Variants in MYH7B observed in about 807,000 individuals in gnomAD.
MYH7B encodes myosin-7B.
Under a neutral mutation model 234.5 loss-of-function variants are expected in MYH7B, and 205 were observed. That is an observed-to-expected ratio of 0.87 (90% CI 0.78 to 0.98). MYH7B has a LOEUF of 0.98. Ranked by LOEUF, MYH7B falls within the 50% of genes least tolerant of loss-of-function variation. The probability of loss-of-function intolerance (pLI) is 0.00; values close to 1 mark genes in which losing one functional copy is unlikely to be tolerated. For missense variants in MYH7B, 2,652 were observed against 2,633.4 expected (o/e 1.01, Z -0.15); for synonymous variants, 1,193 against 1,105.0 (o/e 1.08, Z -1.58).
exon 41 of MYH7B, chr20:35,001,032 T>C (rs773665107): frequency 2.5e-6 from 4 of 1,613,696 alleles, no homozygotes; most frequent in Non-Finnish European, 2.5e-6. Flanking sequence ...AGGACACAAG[T>C]GCACACCTGG....
chr20:34,962,032 A>G (rs1388543375), intron 2 of MYH7B, among the ~76,000 whole-genome samples: 1 of 152,196 alleles, frequency 6.6e-6, no homozygotes. Context: ...GAGGAATTCA[A>G]GGCCAGCCTG....
intron 2 of MYH7B, among the ~76,000 whole-genome samples, chr20:34,974,069 C>T (rs904620008): frequency 4.6e-5 from 7 of 151,852 alleles, no homozygotes; most frequent in Admixed American, 2.6e-4. Context: ...GGATTACAGG[C>T]GCCTGCCACC....
chr20:34,956,759 A>G (rs1474946728), intron 1 of MYH7B, among the ~76,000 whole-genome samples: 1 of 152,172 alleles, frequency 6.6e-6, no homozygotes, highest in Non-Finnish European at 1.5e-5. Flanking sequence ...GCAGGAACAA[A>G]AGCAGCAAAG....
At chr20:34,999,967 T>C in intron 38 of MYH7B, 61 bp downstream of exon 38, 3 of 1,414,956 alleles carry the variant, frequency 2.1e-6, no homozygotes, top group Non-Finnish European at 3.0e-6. Flanking sequence ...AAGCAGTGTG[T>C]ACTCTGCTCT....
Position 34,996,331 on chromosome 20 carries a change from C to A in MYH7B, c.2944-15C>A. On this transcript the variant is annotated splice_polypyrimidine_tract_variant and intron_variant, in intron 28 of 44. Transcript: ENST00000262873. ...GGGGAAGGGCGTCCCCATTCTGGCC[C>A]TGGCCCTGGCACAGGTGAAGAACCT... The A allele has an allele frequency of 6.4e-7, 1 of 1,568,748 alleles. No homozygotes were observed. The highest frequency in any genetic ancestry group is 1.9e-5 in the Admixed American group (1 of 52,584).
chr20:34,989,483 G>T lies in MYH7B; in HGVS notation c.1588-257G>T, dbSNP rs80092519. Among the ~76,000 whole-genome samples the T allele has an allele frequency of 8.4e-3, 1,283 of 152,280 alleles. 7 individuals are homozygous for T. Among genetic ancestry groups the T allele is most frequent in the Middle Eastern group, 0.041 (12 of 294 alleles). ...AGTGGGTACAGAGATGCCAGCTTGG[G>T]TTTGCCATTGTTAGAAGTGAAGATG... On this transcript the variant is annotated intron_variant, in intron 19 of 44. Coordinates refer to ENST00000262873, the Ensembl canonical transcript of MYH7B.
At position 34,982,324 on chromosome 20, in the gene MYH7B, AG is replaced by A. The variant is rs368854169; in HGVS notation, c.528-132del. 3.8e-4 allele frequency: 270 copies of A among 707,466 alleles called. 1 individual carries two copies. In the East Asian group the frequency reaches 6.1e-3, roughly 16 times the overall value. The allele number at this position is 707,466 out of a possible 1,614,324, so 43.8% of individuals were successfully genotyped here. On this transcript the variant is annotated intron_variant, in intron 9 of 44. Coordinates refer to ENST00000262873, the Ensembl canonical transcript of MYH7B. Reference sequence around the variant, plus strand: ...CACTGGCTTGCTTTGTACACCTCTGAGGGTTGATCCATCCTTGGGGGTTTCA... The same window carrying A: ...CACTGGCTTGCTTTGTACACCTCTGAGGTTGATCCATCCTTGGGGGTTTCA...
At chr20:34,961,687 A>G (rs894519393) in intron 2 of MYH7B, among the ~76,000 whole-genome samples, 4 of 152,130 alleles carry the variant, frequency 2.6e-5, no homozygotes, top group Admixed American at 6.6e-5. Flanking sequence ...CCAGTAATTT[A>G]CTTTCTTTGT....
At chr20:34,987,421 C>A in intron 16 of MYH7B, 134 bp downstream of exon 16, 25 of 1,426,276 alleles carry the variant, frequency 1.8e-5, no homozygotes, top group Non-Finnish European at 2.2e-5. Context: ...CAAACCCTTA[C>A]CCTCCTGAGG....
rs766401325 is a variant in MYH7B at position 34,981,119 on chromosome 20, C to T, written c.527+59C>T. Reference sequence around the variant, plus strand: ...TGCTGGCCATCTGGCAGAAAGAGGGCGGTACCACAGTCATTTCCCAGGATT... The same window carrying T: ...TGCTGGCCATCTGGCAGAAAGAGGGTGGTACCACAGTCATTTCCCAGGATT... On this transcript the variant is annotated intron_variant, in intron 9 of 44. Coordinates refer to ENST00000262873, the Ensembl canonical transcript of MYH7B. The T allele has an allele frequency of 4.4e-6, 7 of 1,596,376 alleles. No homozygotes were observed. In the Admixed American group the frequency reaches 6.7e-5, roughly 15 times the overall value.
At chr20:34,997,300 G>T in exon 32 of MYH7B, 2 of 1,553,842 alleles carry the variant, frequency 1.3e-6, no homozygotes, top group East Asian at 4.8e-5. Flanking sequence ...CGGGCAGCCC[G>T]GGCCCGCGTG....
Position 34,998,612 on chromosome 20 carries a change from C to T in MYH7B, c.3976C>T (p.Leu1326=). 6.2e-7 allele frequency: 1 copy of T among 1,613,278 alleles called. No homozygotes were observed. The highest frequency in any genetic ancestry group is 8.5e-7 in the Non-Finnish European group (1 of 1,179,908). Reference sequence around the variant, plus strand: ...AAGCCTGGAAGAGTTGCGGCGCCAGCTAGAGGAGGAAAGCAAGGTGGGCTG... The same window carrying T: ...AAGCCTGGAAGAGTTGCGGCGCCAGTTAGAGGAGGAAAGCAAGGTGGGCTG... The change falls in exon 34 of 45, where the codon CTA becomes TTA. Residue 1326 remains leucine (L), a synonymous_variant. Coordinates refer to ENST00000262873, the Ensembl canonical transcript of MYH7B.
chr20:34,977,543 G>A, intron 3 of MYH7B, 89 bp from the exon 4 acceptor site: 1 of 1,255,842 alleles, frequency 8.0e-7, no homozygotes, highest in Non-Finnish European at 1.1e-6. Flanking sequence ...AGATAAAAGG[G>A]AATTTGCCTT....
At chr20:34,984,038 G>A (rs568420597) in intron 10 of MYH7B, among the ~76,000 whole-genome samples, 13 of 152,312 alleles carry the variant, frequency 8.5e-5, no homozygotes, top group South Asian at 2.1e-4. Context: ...GCGTCCAGGC[G>A]GCAGGATGCT....
At chr20:34,998,742 C>A in exon 35 of MYH7B, 2 of 1,612,064 alleles carry the variant, frequency 1.2e-6, no homozygotes, top group Non-Finnish European at 1.7e-6. Flanking sequence ...TGGCCCACGC[C>A]GTGCAGGCTC....
chr20:34,992,715 G>A (rs780729767), intron 24 of MYH7B, among the ~76,000 whole-genome samples: 71 of 151,884 alleles, frequency 4.7e-4, no homozygotes, highest in Non-Finnish European at 7.1e-4. Context: ...GATTACAGGC[G>A]CCCGCCACCA....
chr20:34,970,760 C>T (rs921193906), intron 2 of MYH7B, among the ~76,000 whole-genome samples: 5 of 152,046 alleles, frequency 3.3e-5, no homozygotes, highest in Non-Finnish European at 7.4e-5. Context: ...CAGCTCAGCT[C>T]GGCTCTAGAG....
chr20:34,972,347 A>G (rs1046116652), intron 2 of MYH7B, among the ~76,000 whole-genome samples: 2 of 151,654 alleles, frequency 1.3e-5, no homozygotes, highest in Admixed American at 6.6e-5. Flanking sequence ...TTCTGCTTGG[A>G]ATACTGTTCC....
In MYH7B at chr20:34,999,553, G is replaced by A. The variant is rs2082328414; in HGVS notation, c.4541-18G>A. The A allele has an allele frequency of 2.0e-5, 31 of 1,583,340 alleles. No individual in the cohort carries two copies. The highest frequency in any genetic ancestry group is 2.7e-5 in the Non-Finnish European group (31 of 1,164,716). ...TACAAGCCATGGGGGTGGCCTCTCAGCACCCTGTCCACTGCAGAGGAGATC... is the reference window on the plus strand; with the variant it reads ...TACAAGCCATGGGGGTGGCCTCTCAACACCCTGTCCACTGCAGAGGAGATC... On this transcript the variant is annotated intron_variant, in intron 36 of 44. Coordinates refer to ENST00000262873, the Ensembl canonical transcript of MYH7B.
Sources: gnomAD v4.1 joint callset for allele counts (sites outside exome capture counted in the v4.1 genomes callset) on GRCh38, gnomAD v4.1.1 for gene constraint, MANE v1.5 for transcripts, NCBI Gene and HGNC (gene_info 2026-07-23, HGNC 2026-07-21) for gene names.